Variants in ZNF621 observed in about 807,000 individuals in gnomAD.
ZNF621 encodes the protein zinc finger protein 621.
In ZNF621, 6 loss-of-function variants were observed where a neutral mutation model predicts 12.7. The ratio of observed to expected loss-of-function variants is 0.47; its 90% CI spans 0.26 to 0.93. The LOEUF (loss-of-function observed/expected upper bound fraction) is 0.93, where lower values mean the gene tolerates loss of function less well. Ranked by LOEUF, ZNF621 falls within the 40% of genes least tolerant of loss-of-function variation. The pLI is 0.15. For synonymous variants in ZNF621, 156 were observed against 190.3 expected, an observed-to-expected ratio of 0.82 and a Z score of 1.48; for missense variants, 474 against 524.0, an observed-to-expected ratio of 0.90 and a Z score of 0.93.
rs1369509342 is a variant in ZNF621, at chr3:40,537,571, C to G, written c.*4481C>G. On this transcript the variant is annotated 3_prime_UTR_variant, in exon 5 of 5. Transcript: ENST00000339296. The stretch of plus-strand genomic sequence containing the variant: ...TGAGCTATGATTGTGCCACTGCACT[C>G]TAGCCTGTGTGACAGAATGAAACCA... 3 of 152,478 alleles carry G rather than the reference C, an allele frequency of 2.0e-5. No homozygotes were observed. The East Asian group carries it at 5.8e-4, about 29-fold the overall frequency. 9.4% of individuals were successfully genotyped at this position (152,478 alleles called of 1,614,324 possible).
chr3:40,527,741 A>C (rs1202348322), intron 2 of ZNF621, among the ~76,000 whole-genome samples: 1 of 151,680 alleles, frequency 6.6e-6, no homozygotes, highest in Non-Finnish European at 1.5e-5. Context: ...TGTCTTTAAA[A>C]GAATGGAAAT....
chr3:40,529,878 T>C (rs754253726), intron 3 of ZNF621, among the ~76,000 whole-genome samples: 1 of 152,186 alleles, frequency 6.6e-6, no homozygotes, highest in Non-Finnish European at 1.5e-5. Flanking sequence ...GCACCCTAAG[T>C]GAGCCCTTTG....
At chr3:40,523,149 A>G (rs1415268041), upstream of ZNF621, among the ~76,000 whole-genome samples, 1 of 151,222 alleles carries the variant, frequency 6.6e-6, no homozygotes, top group Non-Finnish European at 1.5e-5. Flanking sequence ...GACTATGTTC[A>G]CTGATTCATA....
At chr3:40,527,092 A>G (rs1698601329) in intron 2 of ZNF621, among the ~76,000 whole-genome samples, 1 of 152,158 alleles carries the variant, frequency 6.6e-6, no homozygotes, top group Non-Finnish European at 1.5e-5. Context: ...ATCTTCGCTC[A>G]CTGCAACCTC....
chr3:40,530,855 A>G (rs1418531162), intron 4 of ZNF621, among the ~76,000 whole-genome samples: 1 of 152,158 alleles, frequency 6.6e-6, no homozygotes, highest in Non-Finnish European at 1.5e-5. Flanking sequence ...GGCTAGGAAT[A>G]TTCTCCCATC....
rs34412695 is a variant in ZNF621, at chr3:40,527,708, G to A, written c.25-1611G>A. On this transcript the variant is annotated intron_variant, in intron 2 of 4. Coordinates refer to ENST00000339296, the MANE Select transcript of ZNF621 (RefSeq NM_198484.5). ...TGATAGAAGTTCAAATACAAGTCTG[G>A]TATCAGCACAGTAAAATGTCAGTGT... Among the ~76,000 whole-genome samples, 474 of 152,270 alleles carry A rather than the reference G, an allele frequency of 3.1e-3. 2 individuals carry two copies. The highest frequency in any genetic ancestry group is 8.1e-3 in the South Asian group (39 of 4,830).
rs756241056 is a variant in ZNF621 at position 40,532,393 on chromosome 3, A to C, written c.623A>C (p.Glu208Ala). The change falls in exon 5 of 5, where the codon GAA becomes GCA. Residue 208 changes from glutamate (E) to alanine (A), a missense_variant. Physicochemically the swap from Glu to Ala is moderately radical, Grantham distance 107. Transcript: ENST00000339296. ...AACCACATTGGAGAAGGGCCCTATG[A>C]ATGTAAGGAGTGTGGCAAAGGTTTG... is the stretch of plus-strand genomic sequence containing the variant. ...EKNHIGEGPY[E>A]CKECGKGLSS... is the part of the protein sequence containing the mutation. 1.9e-6 allele frequency: 3 copies of C among 1,613,684 alleles called. No homozygotes were observed. The East Asian group carries it at 6.7e-5, about 36-fold the overall frequency.
rs1231898736 is a variant in ZNF621 at position 40,532,094 on chromosome 3, G to A, written c.324G>A (p.Glu108=). 1 of 1,614,110 alleles carries A rather than the reference G, an allele frequency of 6.2e-7. No individual in the cohort carries two copies. The highest frequency in any genetic ancestry group is 1.3e-5 in the African/African-American group (1 of 75,046). ...VIKQEASEET[E]LHRMPVGGLL... ...AGCAGGAAGCCTCTGAAGAAACAGAGTTGCACAGAATGCCAGTAGGAGGAC... is the reference window on the plus strand; with the variant it reads ...AGCAGGAAGCCTCTGAAGAAACAGAATTGCACAGAATGCCAGTAGGAGGAC... The change falls in exon 5 of 5, where the codon GAG becomes GAA. Residue 108 remains glutamate, a synonymous_variant. Transcript: ENST00000339296.
At chr3:40,523,800 A>ACAAAAAAC (rs1553659367), upstream of ZNF621, among the ~76,000 whole-genome samples, 45 of 147,676 alleles carry the variant, frequency 3.0e-4, no homozygotes, top group Admixed American at 1.0e-3. Flanking sequence ...AGCAAAAAAA[A>ACAAAAAAC]AAAAAACAAA....
upstream of ZNF621, among the ~76,000 whole-genome samples, chr3:40,523,706 C>T (rs1575300516): frequency 6.6e-6 from 1 of 151,548 alleles, no homozygotes; most frequent in Non-Finnish European, 1.5e-5. Flanking sequence ...GCAGAGCTTG[C>T]AGTGAGCCGA....
At chr3:40,529,948 A>G (rs909513682) in intron 3 of ZNF621, among the ~76,000 whole-genome samples, 73 of 152,262 alleles carry the variant, frequency 4.8e-4, no homozygotes, top group African/African-American at 1.7e-3. Context: ...AGGTTCTCCC[A>G]GGGGAGCAGT....
Position 40,539,026 on chromosome 3 carries a change from T to A in ZNF621, c.*5936T>A, listed in dbSNP as rs1402194078. On this transcript the variant is annotated 3_prime_UTR_variant, in exon 5 of 5. Transcript: ENST00000339296. ...AACAAATGAGGAGTTGCTTCTAATA[T>A]AAGAGCCACAAAAGTGGTTTCTTGA... 6.5e-6 allele frequency: 1 copy of A among 153,246 alleles called. No individual in the cohort carries two copies. The highest frequency in any genetic ancestry group is 2.4e-5 in the African/African-American group (1 of 41,478). The allele number at this position is 153,246 out of a possible 1,614,324, so 9.5% of individuals were successfully genotyped here.
chr3:40,526,833 A>G (rs79255675), intron 2 of ZNF621, among the ~76,000 whole-genome samples: 11,426 of 152,162 alleles, frequency 0.075, 1,280 homozygotes, highest in African/African-American at 0.24. Context: ...TGGTCAATTA[A>G]GAAGATATTA....
chr3:40,528,603 G>A (rs905494329), intron 2 of ZNF621, among the ~76,000 whole-genome samples: 2 of 152,134 alleles, frequency 1.3e-5, no homozygotes, highest in South Asian at 2.1e-4. Context: ...GTCCCATTTC[G>A]CATTCATTAG....
In ZNF621 at chr3:40,532,721, G is replaced by A. The variant is rs1698762391; in HGVS notation, c.951G>A (p.Lys317=). 6.2e-7 allele frequency: 1 copy of A among 1,614,208 alleles called. No homozygotes were observed. The highest frequency in any genetic ancestry group is 8.5e-7 in the Non-Finnish European group (1 of 1,180,036). The change falls in exon 5 of 5, where the codon AAG becomes AAA. Residue 317 remains lysine (K), a synonymous_variant. Coordinates refer to ENST00000339296, the MANE Select transcript of ZNF621 (RefSeq NM_198484.5). ...IQHQRVHTGE[K]PYECKVCGKA... is the part of the protein sequence containing the mutation. ...ATCAGAGAGTTCACACTGGGGAGAA[G>A]CCTTATGAATGTAAGGTGTGTGGGA...
chr3:40,529,428 C>G lies in ZNF621; in HGVS notation c.134C>G (p.Ala45Gly). Residue 45 changes from alanine to glycine, a missense_variant, in exon 3 of 5, where the codon GCA (alanine) becomes GGA (glycine). Coordinates refer to ENST00000339296, the MANE Select transcript of ZNF621 (RefSeq NM_198484.5). ...LYGEVMLENY[A>G]NVASLVAFPF... is the part of the protein sequence containing the mutation. ...GGGGAGGTGATGCTGGAGAATTATGCAAATGTGGCTTCTCTGGGTAAGGCC... is the reference window on the plus strand; with the variant it reads ...GGGGAGGTGATGCTGGAGAATTATGGAAATGTGGCTTCTCTGGGTAAGGCC... 6.2e-7 allele frequency: 1 copy of G among 1,613,222 alleles called. No individual in the cohort carries two copies. The highest frequency in any genetic ancestry group is 8.5e-7 in the Non-Finnish European group (1 of 1,179,452).
intron 4 of ZNF621, among the ~76,000 whole-genome samples, chr3:40,531,103 C>G (rs373679630): frequency 6.6e-6 from 1 of 152,240 alleles, no homozygotes; most frequent in East Asian, 1.9e-4. Context: ...GATCCAACTT[C>G]TGTTCCAGCT....
chr3:40,531,951 A>T, intron 4 of ZNF621, 79 bp from the exon 5 acceptor site: 1 of 1,343,832 alleles, frequency 7.4e-7, no homozygotes, highest in Non-Finnish European at 1.0e-6. Flanking sequence ...ATTACATTCT[A>T]CAAGAGAAAA....
intron 3 of ZNF621, among the ~76,000 whole-genome samples, 181 bp from the exon 4 acceptor site, chr3:40,530,028 G>A (rs1231697305): frequency 6.6e-6 from 1 of 152,132 alleles, no homozygotes; most frequent in Non-Finnish European, 1.5e-5. Context: ...TTTCTGAGAA[G>A]AATCATACCT....
Sources: allele counts gnomAD v4.1 joint callset (sites outside exome capture counted in the v4.1 genomes callset), GRCh38; gene constraint gnomAD v4.1.1; transcripts MANE v1.5; gene names NCBI Gene and HGNC (gene_info 2026-07-23, HGNC 2026-07-21).